MACF1: variants seen among roughly 807,000 people sequenced by gnomAD.
The protein encoded by MACF1 is microtubule-actin cross-linking factor 1.
A neutral mutation model predicts 854.8 loss-of-function variants in MACF1; 193 were observed. The observed-to-expected ratio is 0.23, with a 90% confidence interval of 0.20 to 0.25. The LOEUF (loss-of-function observed/expected upper bound fraction) is 0.25. Among genes scored for constraint, MACF1 ranks in the 10% least tolerant of loss-of-function variants. The probability of loss-of-function intolerance (pLI) is 1.00; values close to 1 mark genes in which losing one functional copy is unlikely to be tolerated. For synonymous variants in MACF1, 3,185 were observed against 3,226.7 expected (o/e 0.99, Z 0.44); for missense variants, 7,722 against 8,929.1 (o/e 0.86, Z 5.45).
rs1279646672 is a variant in MACF1, at chr1:39,332,101, C to T, written c.5513C>T (p.Ala1838Val). Residue 1838 changes from alanine (A) to valine (V), a missense_variant, in exon 37 of 101, where the codon GCC becomes GTC. Ala to Val is a moderately conservative substitution (Grantham distance 64). Coordinates refer to ENST00000564288, the MANE Select transcript of MACF1 (RefSeq NM_001394062.1). ...AATGATCTAGTAGCTGCTAAGATCG[C>T]CCTTGTGATTCTGGAGTCCCTCTGG... The part of the protein sequence containing the change: ...VSNDLVAAKI[A>V]LVILESLWSF... The T allele has an allele frequency of 6.2e-7, 1 of 1,614,054 alleles. No individual in the cohort carries two copies.
chr1:39,312,008 C>T (rs1216065644), intron 26 of MACF1, among the ~76,000 whole-genome samples: 1 of 152,048 alleles, frequency 6.6e-6, no homozygotes, highest in African/African-American at 2.4e-5. Context: ...ATCATATGAG[C>T]CTGGGAATTC....
chr1:39,450,382 G>A (rs1644317473), intron 84 of MACF1, among the ~76,000 whole-genome samples: 1 of 151,916 alleles, frequency 6.6e-6, no homozygotes, highest in Non-Finnish European at 1.5e-5. Context: ...TACAGAGCTA[G>A]GAGTTGAACT....
chr1:39,376,517 G>C (rs896755853), intron 52 of MACF1, among the ~76,000 whole-genome samples: 6 of 152,122 alleles, frequency 3.9e-5, no homozygotes, highest in Non-Finnish European at 8.8e-5. Flanking sequence ...AGAATAAACT[G>C]TGTTTGTAGA....
chr1:39,430,997 A>C lies in MACF1; in HGVS notation c.17337+89A>C. ...ATGACCCACATAAATACAGACTCAG[A>C]AATAAGAATGGGCTCAAGCTAAATC... is the stretch of plus-strand genomic sequence containing the variant. On this transcript the variant is annotated intron_variant, in intron 66 of 100. Transcript: ENST00000564288. The C allele has an allele frequency of 2.6e-6, 3 of 1,166,656 alleles. No individual in the cohort carries two copies. The East Asian group carries it at 7.3e-5, about 28-fold the overall frequency. The allele number at this position is 1,166,656 out of a possible 1,614,324, so 72.3% of individuals were successfully genotyped here.
chr1:39,485,499 C>A (rs1179815394), intron 100 of MACF1, 39 bp from the exon 101 acceptor site: 3 of 1,548,090 alleles, frequency 1.9e-6, no homozygotes, highest in East Asian at 4.7e-5. Context: ...CACCCCATGC[C>A]ATCTCTATTA....
rs890673581 is a variant in MACF1, at chr1:39,441,105, G to A, written c.18550G>A (p.Val6184Met). 1.9e-6 allele frequency: 3 copies of A among 1,614,102 alleles called. No individual in the cohort carries two copies. In the African/African-American group the frequency reaches 4.0e-5, roughly 22 times the overall value. Residue 6184 changes from valine (V) to methionine (M), a missense_variant, in exon 73 of 101, where the codon GTG becomes ATG. Val to Met is a conservative substitution (Grantham distance 21, BLOSUM62 1). Coordinates refer to ENST00000564288, the MANE Select transcript of MACF1 (RefSeq NM_001394062.1). ...CTGTGGAGAAACTGAGAAGCCTGAAGTGAGGAAGAGCATTGATGAGGTGTG... is the reference window on the plus strand; with the variant it reads ...CTGTGGAGAAACTGAGAAGCCTGAAATGAGGAAGAGCATTGATGAGGTGTG... ...FACGETEKPE[V>M]RKSIDEMNNA...
chr1:39,420,864 ATTTT>A (rs922511626), intron 58 of MACF1, among the ~76,000 whole-genome samples: 1 of 133,272 alleles, frequency 7.5e-6, no homozygotes, highest in Non-Finnish European at 1.6e-5. Flanking sequence ...GAGAAACCCA[ATTTT>A]TTTTTTTTTT....
At chr1:39,152,931 G>A (rs1245333989) in intron 2 of MACF1, among the ~76,000 whole-genome samples, 1 of 151,966 alleles carries the variant, frequency 6.6e-6, no homozygotes, top group Non-Finnish European at 1.5e-5. Flanking sequence ...GCCCAGGTGA[G>A]TTGAGCCAGT....
upstream of MACF1, among the ~76,000 whole-genome samples, chr1:39,201,224 CTG>C (rs1443297994): frequency 2.0e-5 from 3 of 152,224 alleles, no homozygotes; most frequent in Non-Finnish European, 4.4e-5. Context: ...CTTACCACCT[CTG>C]TGGCCACACT....
intron 58 of MACF1, among the ~76,000 whole-genome samples, chr1:39,420,826 T>A (rs1214976903): frequency 6.6e-6 from 1 of 151,984 alleles, no homozygotes; most frequent in African/African-American, 2.4e-5. Flanking sequence ...TAGTGAAATA[T>A]AGCTGGTTCT....
In MACF1 at chr1:39,254,313, A is replaced by C. The variant is rs1645074625; in HGVS notation, c.373A>C (p.Arg125=). ...DDDDVPREKG[R]MRFHRLQNVQ... ...TTGTTTGCAGCCCCGGGAGAAGGGC[A>C]GGATGCGTTTTCATAGGCTGCAGAA... The change falls in exon 5 of 101, where the codon AGG becomes CGG. Residue 125 remains arginine (R), a synonymous_variant. Transcript: ENST00000564288. 2 of 1,614,058 alleles carry C rather than the reference A, an allele frequency of 1.2e-6. No individual in the cohort carries two copies. The highest frequency in any genetic ancestry group is 1.7e-6 in the Non-Finnish European group (2 of 1,180,008).
intron 87 of MACF1, 126 bp from the exon 88 acceptor site, chr1:39,453,581 T>C (rs1243897517): frequency 2.6e-6 from 2 of 773,294 alleles, no homozygotes; most frequent in Non-Finnish European, 2.1e-6. Context: ...TATACAGGCT[T>C]TTAGAGGTCT....
intron 58 of MACF1, chr1:39,411,660 G>A: frequency 1.2e-6 from 2 of 1,613,940 alleles, no homozygotes; most frequent in Non-Finnish European, 8.5e-7. Flanking sequence ...ACTCAGTGCA[G>A]ATGTTTCTTG....
chr1:39,226,041 A>G (rs1557528515), intron 1 of MACF1, among the ~76,000 whole-genome samples: 1 of 152,222 alleles, frequency 6.6e-6, no homozygotes. Flanking sequence ...ATTGATGGGC[A>G]TACCAACATA....
chr1:39,409,269 T>C lies in MACF1; in HGVS notation c.15817-13105T>C, dbSNP rs539985628. Among the ~76,000 whole-genome samples, 7 of 152,000 alleles carry C rather than the reference T, an allele frequency of 4.6e-5. No individual in the cohort carries two copies. The highest frequency in any genetic ancestry group is 4.6e-4 in the Admixed American group (7 of 15,276). On this transcript the variant is annotated intron_variant, in intron 58 of 100. Coordinates refer to ENST00000564288, the MANE Select transcript of MACF1 (RefSeq NM_001394062.1). This position sits in a 1 kb window ranked among gnomAD's most constrained non-coding sequence, Gnocchi z 4.2. Reference sequence around the variant, plus strand: ...GGAGAATAGAGGCGGCTGCTTGTCATGCAGCCCACGGCGTGGCGGCTGCGG... The same window carrying C: ...GGAGAATAGAGGCGGCTGCTTGTCACGCAGCCCACGGCGTGGCGGCTGCGG...
chr1:39,250,344 C>T (rs985215730), intron 3 of MACF1: 6 of 332,184 alleles, frequency 1.8e-5, no homozygotes, highest in Non-Finnish European at 2.2e-5. Flanking sequence ...AGTTATAATC[C>T]TTTTTATATC....
At chr1:39,413,750 C>G (rs756921031) in intron 58 of MACF1, 1 of 1,605,802 alleles carries the variant, frequency 6.2e-7, no homozygotes, top group South Asian at 1.1e-5. Flanking sequence ...GCAGCTGTTG[C>G]AGTGCCCACC....
At chr1:39,359,408 A>G in intron 47 of MACF1, 144 bp downstream of exon 47, 1 of 969,990 alleles carries the variant, frequency 1.0e-6, no homozygotes, top group Non-Finnish European at 1.5e-6. Flanking sequence ...ATAGATTGTC[A>G]TCAAAGAGCT....
At position 39,434,458 on chromosome 1, in the gene MACF1, A is replaced by G. The variant is rs1321200624; in HGVS notation, c.17610A>G (p.Leu5870=). 7 of 1,610,468 alleles carry G rather than the reference A, an allele frequency of 4.3e-6. No homozygotes were observed. In the East Asian group the frequency reaches 8.9e-5, roughly 21 times the overall value. The part of the protein sequence containing the change: ...SLIQQYEAIS[L]LNSERYARLE... ...TACAGCAATATGAAGCCATTAGCCT[A>G]CTCAATTCAGAGCGTTATGCCCGCC... The change falls in exon 69 of 101, where the codon CTA becomes CTG. Residue 5870 remains leucine, a synonymous_variant. Coordinates refer to ENST00000564288, the MANE Select transcript of MACF1 (RefSeq NM_001394062.1).
Sources: gnomAD v4.1 joint callset for allele counts (sites outside exome capture counted in the v4.1 genomes callset) on GRCh38, gnomAD v4.1.1 for gene constraint, Gnocchi (gnomAD v3.1) non-coding constraint, MANE v1.5 for transcripts, NCBI Gene and HGNC (gene_info 2026-07-23, HGNC 2026-07-21) for gene names.